Variants in CLASP1 observed in about 807,000 individuals in gnomAD.
The protein encoded by CLASP1 is CLIP-associating protein 1.
A neutral mutation model predicts 192.3 loss-of-function variants in CLASP1; 38 were observed. The observed-to-expected ratio is 0.20, with a 90% CI of 0.15 to 0.26. CLASP1 has a LOEUF of 0.26. Ranked by LOEUF, CLASP1 falls within the 10% of genes least tolerant of loss-of-function variation. The probability of loss-of-function intolerance (pLI) is 1.00; values close to 1 mark genes in which losing one functional copy is unlikely to be tolerated. For missense variants in CLASP1, 1,433 were observed against 1,932.5 expected (o/e 0.74, Z 4.85); for synonymous variants, 691 against 712.8 (o/e 0.97, Z 0.49).
At chr2:121,348,332 G>C (rs1346551214) in intron 38 of CLASP1, among the ~76,000 whole-genome samples, 180 bp downstream of exon 39, 1 of 152,200 alleles carries the variant, frequency 6.6e-6, no homozygotes, top group East Asian at 1.9e-4. Context: ...CAGGAGAGGG[G>C]GTGAGCTGGA....
exon 2 of CLASP1, chr2:121,606,012 T>C: frequency 1.2e-6 from 1 of 823,980 alleles, no homozygotes; most frequent in Non-Finnish European, 1.9e-6. Flanking sequence ...AGAGCCTGTG[T>C]TTCAAAGATG....
At chr2:121,559,544 T>C (rs1048254135) in intron 2 of CLASP1, among the ~76,000 whole-genome samples, 1 of 152,092 alleles carries the variant, frequency 6.6e-6, no homozygotes, top group Non-Finnish European at 1.5e-5. Context: ...TGGGTAAACC[T>C]TGAAAACATT....
chr2:121,377,754 G>T (rs2070598769), intron 33 of CLASP1, 105 bp from the exon 35 acceptor site: 2 of 807,724 alleles, frequency 2.5e-6, no homozygotes, highest in African/African-American at 1.8e-5. Context: ...CATATTTATA[G>T]TTTTGTTTAT....
At position 121,507,084 on chromosome 2, in the gene CLASP1, A is replaced by C. The variant is rs952469533; in HGVS notation, c.645-3850T>G. Among the ~76,000 whole-genome samples the C allele has an allele frequency of 2.6e-5, 4 of 152,224 alleles. No individual in the cohort carries two copies. The East Asian group carries it at 7.7e-4, about 29-fold the overall frequency. Reference sequence around the variant, plus strand: ...ATACAAAGGAAATAAAAATCAGTCAACAAAAACTATTTTTAAGGACACCTA... The same window carrying C: ...ATACAAAGGAAATAAAAATCAGTCACCAAAAACTATTTTTAAGGACACCTA... On this transcript the variant is annotated intron_variant, in intron 7 of 39. Transcript: ENST00000263710.
chr2:121,348,855 T>C (rs1365988085), intron 37 of CLASP1, 137 bp from the exon 39 acceptor site: 25 of 790,472 alleles, frequency 3.2e-5, no homozygotes, highest in African/African-American at 5.2e-5. Flanking sequence ...CCTGGCTCAA[T>C]TGTTAAACAC....
chr2:121,451,128 G>T, intron 15 of CLASP1, 138 bp from the exon 16 acceptor site: 1 of 627,654 alleles, frequency 1.6e-6, no homozygotes, highest in Admixed American at 3.0e-5. Context: ...TTCCCACGTG[G>T]CTGGGCAAAG....
chr2:121,379,928 C>T (rs2071236980), intron 33 of CLASP1, among the ~76,000 whole-genome samples: 1 of 152,186 alleles, frequency 6.6e-6, no homozygotes, highest in Non-Finnish European at 1.5e-5. Context: ...AATAAACCAA[C>T]TCAAACTCCC....
At chr2:121,515,099 A>T (rs1425777093) in intron 7 of CLASP1, among the ~76,000 whole-genome samples, 2 of 152,222 alleles carry the variant, frequency 1.3e-5, no homozygotes, top group Non-Finnish European at 2.9e-5. Context: ...TGATCACTAC[A>T]TTATTTTAAA....
At chr2:121,522,587 T>C (rs1370768374) in intron 6 of CLASP1, among the ~76,000 whole-genome samples, 4 of 152,054 alleles carry the variant, frequency 2.6e-5, no homozygotes, top group Non-Finnish European at 5.9e-5. Flanking sequence ...ATACAATCTA[T>C]TTATGATTTA....
At chr2:121,574,570 G>A (rs1200189023) in intron 2 of CLASP1, among the ~76,000 whole-genome samples, 1 of 148,816 alleles carries the variant, frequency 6.7e-6, no homozygotes, top group Non-Finnish European at 1.5e-5. Flanking sequence ...GGGAAGTGGA[G>A]GTGGCAGTGA....
chr2:121,642,580 G>A (rs917022437), intron 1 of CLASP1, among the ~76,000 whole-genome samples: 3 of 149,898 alleles, frequency 2.0e-5, no homozygotes, highest in Non-Finnish European at 3.0e-5. Context: ...AAAAATACAA[G>A]AATGAGCCGG....
intron 7 of CLASP1, among the ~76,000 whole-genome samples, chr2:121,514,729 A>G (rs1013059830): frequency 6.6e-6 from 1 of 152,212 alleles, no homozygotes; most frequent in African/African-American, 2.4e-5. Context: ...CCTTAGAGAC[A>G]TCAAGACAGT....
At chr2:121,619,048 C>G (rs908579104) in intron 1 of CLASP1, among the ~76,000 whole-genome samples, 8 of 152,148 alleles carry the variant, frequency 5.3e-5, no homozygotes, top group Admixed American at 5.2e-4. Context: ...GGGAAAAAAT[C>G]AGAGTTAAAC....
intron 37 of CLASP1, among the ~76,000 whole-genome samples, chr2:121,359,510 C>A (rs959837144): frequency 1.3e-5 from 2 of 152,090 alleles, no homozygotes; most frequent in Non-Finnish European, 2.9e-5. Flanking sequence ...ATTACAAATT[C>A]TAATATAAGA....
intron 39 of CLASP1, among the ~76,000 whole-genome samples, chr2:121,344,312 T>A (rs2063166746): frequency 6.6e-6 from 1 of 151,994 alleles, no homozygotes; most frequent in Non-Finnish European, 1.5e-5. Context: ...CTTCCTGGTA[T>A]CACTTATTTT....
intron 20 of CLASP1, among the ~76,000 whole-genome samples, chr2:121,428,452 T>C (rs954385574): frequency 1.3e-5 from 2 of 152,222 alleles, no homozygotes; most frequent in African/African-American, 2.4e-5. Context: ...ATTTGAACAC[T>C]TTTTGTCAAG....
intron 20 of CLASP1, 94 bp from the exon 21 acceptor site, chr2:121,427,524 T>C: frequency 1.5e-6 from 2 of 1,312,278 alleles, no homozygotes; most frequent in Non-Finnish European, 2.2e-6. Flanking sequence ...AACACAAAGG[T>C]CTTTGTTCAC....
chr2:121,496,632 G>A (rs1258266426), intron 8 of CLASP1, among the ~76,000 whole-genome samples: 1 of 152,170 alleles, frequency 6.6e-6, no homozygotes, highest in African/African-American at 2.4e-5. Context: ...TAAGAGGCCA[G>A]CCTGCAAGGT....
At chr2:121,642,497 T>C (rs1225537188) in intron 1 of CLASP1, among the ~76,000 whole-genome samples, 3 of 151,778 alleles carry the variant, frequency 2.0e-5, no homozygotes, top group Non-Finnish European at 4.4e-5. Flanking sequence ...TTTGGGAGGC[T>C]GAGGCAGGTG....
Sources: gnomAD v4.1 joint callset for allele counts (sites outside exome capture counted in the v4.1 genomes callset) on GRCh38, gnomAD v4.1.1 for gene constraint, MANE v1.5 for transcripts, NCBI Gene and HGNC (gene_info 2026-07-23, HGNC 2026-07-21) for gene names.